EFCAB14: variants seen among roughly 807,000 people sequenced by gnomAD.
The protein encoded by EFCAB14 is EF-hand calcium binding domain 14, also known as EF-hand calcium-binding domain-containing protein 14.
EFCAB14 carries 43 observed loss-of-function variants against 56.5 expected under a neutral mutation model. The observed-to-expected ratio is 0.76, with a 90% CI of 0.60 to 0.98. The LOEUF is 0.98. Ranked by LOEUF, EFCAB14 falls within the 50% of genes least tolerant of loss-of-function variation. The pLI is 0.00. For missense variants in EFCAB14, 538 were observed against 580.3 expected (o/e 0.93, Z 0.75); for synonymous variants, 235 against 212.9 (o/e 1.10, Z -0.90).
rs140345083 is a variant in EFCAB14 at position 46,716,355 on chromosome 1, C to A, written c.274G>T (p.Val92Leu). Residue 92 changes from valine (V) to leucine (L), a missense_variant, in exon 2 of 11, where the codon GTG becomes TTG. Val to Leu is a conservative substitution (Grantham distance 32). Coordinates refer to ENST00000371933, the MANE Select transcript of EFCAB14 (RefSeq NM_014774.3). ...AACVVACVGL[V>L]WMQVALKEDL... Reference sequence around the variant, plus strand: ...TCCTTGAGAGCAACCTGCATCCACACCAAGCCAACACAGGCCACAACACAG... The same window carrying A: ...TCCTTGAGAGCAACCTGCATCCACAACAAGCCAACACAGGCCACAACACAG... 8 of 1,613,608 alleles carry A rather than the reference C, an allele frequency of 5.0e-6. No individual in the cohort carries two copies. The Admixed American group carries it at 1.0e-4, about 20-fold the overall frequency.
At chr1:46,683,540 T>C in intron 9 of EFCAB14, 115 bp from the exon 10 acceptor site, 5 of 1,151,496 alleles carry the variant, frequency 4.3e-6, no homozygotes, top group Non-Finnish European at 6.0e-6. Flanking sequence ...AGAGAAACAT[T>C]TGAAGATAAA....
intron 4 of EFCAB14, among the ~76,000 whole-genome samples, chr1:46,694,209 A>G (rs968896805): frequency 6.6e-6 from 1 of 152,216 alleles, no homozygotes; most frequent in Admixed American, 6.5e-5. Flanking sequence ...AATGGCAACA[A>G]AAGCCAAAAT....
chr1:46,686,981 C>T lies in EFCAB14; in HGVS notation c.988-111G>A. The T allele has an allele frequency of 3.1e-6, 3 of 971,994 alleles. No individual in the cohort carries two copies. In the South Asian group the frequency reaches 4.4e-5, roughly 14 times the overall value. The allele number at this position is 971,994 out of a possible 1,614,324, so 60.2% of individuals were successfully genotyped here. ...TTCGTCAAACTTATTTAAAGGATCT[C>T]AGAACACTCTCAACAGAAATTGCAG... is the stretch of plus-strand genomic sequence containing the variant. On this transcript the variant is annotated intron_variant, in intron 7 of 10. Coordinates refer to ENST00000371933, the MANE Select transcript of EFCAB14 (RefSeq NM_014774.3).
intron 3 of EFCAB14, among the ~76,000 whole-genome samples, chr1:46,703,427 G>A (rs1213939412): frequency 6.6e-6 from 1 of 152,088 alleles, no homozygotes; most frequent in African/African-American, 2.4e-5. Flanking sequence ...TTTTTAAACT[G>A]ATCAATACAA....
chr1:46,699,033 T>C (rs1677116713), intron 3 of EFCAB14, among the ~76,000 whole-genome samples: 1 of 151,968 alleles, frequency 6.6e-6, no homozygotes, highest in Admixed American at 6.6e-5. Flanking sequence ...TGGGACTGGG[T>C]GTTAACAGTG....
In EFCAB14 at chr1:46,718,573, G is replaced by C. The variant is rs1677434563; in HGVS notation, c.-486C>G. 6.5e-6 allele frequency: 1 copy of C among 153,458 alleles called. No homozygotes were observed. Among genetic ancestry groups the C allele is most frequent in the Non-Finnish European group, 1.5e-5 (1 of 68,802 alleles). The allele number at this position is 153,458 out of a possible 1,614,324, so 9.5% of individuals were successfully genotyped here. A position where few individuals can be genotyped will look rare whatever the true frequency, so the allele number is the denominator to read the frequency against. ...AAACTCGTTCTTGAATGGGAAGAGA[G>C]TGGGGAGGTGCAGAGTAAGAAAGTG... On this transcript the variant is annotated 5_prime_UTR_variant, in exon 1 of 11. Coordinates refer to ENST00000371933, the MANE Select transcript of EFCAB14 (RefSeq NM_014774.3).
chr1:46,715,985 C>T (rs954791723), intron 2 of EFCAB14, among the ~76,000 whole-genome samples: 1 of 152,010 alleles, frequency 6.6e-6, no homozygotes, highest in East Asian at 1.9e-4. Flanking sequence ...TGGTGGCTCA[C>T]GCCTGTAATC....
intron 3 of EFCAB14, 70 bp downstream of exon 3, chr1:46,707,836 A>G (rs1021110492): frequency 2.0e-6 from 3 of 1,480,024 alleles, no homozygotes; most frequent in Non-Finnish European, 2.7e-6. Flanking sequence ...ACAATTCTCT[A>G]TATCCTATTC....
intron 2 of EFCAB14, among the ~76,000 whole-genome samples, chr1:46,711,110 G>A (rs534320598): frequency 2.8e-4 from 43 of 152,178 alleles, no homozygotes; most frequent in Non-Finnish European, 2.8e-4. Flanking sequence ...TGGGGGTGTG[G>A]ATGTTTCTTC....
rs1317591146 is a variant in EFCAB14, at chr1:46,676,011, G to A, written c.*2450C>T. The stretch of plus-strand genomic sequence containing the variant: ...CTCTCAGAGATGAGATATGGCTGGT[G>A]AGGCTTGACTACAGCTAAATACAAG... On this transcript the variant is annotated 3_prime_UTR_variant, in exon 11 of 11. Coordinates refer to ENST00000371933, the MANE Select transcript of EFCAB14 (RefSeq NM_014774.3). The A allele has an allele frequency of 1.3e-5, 2 of 152,218 alleles. No individual in the cohort carries two copies. The highest frequency in any genetic ancestry group is 4.8e-5 in the African/African-American group (2 of 41,458). 9.4% of individuals were successfully genotyped at this position (152,218 alleles called of 1,614,324 possible). A position where few individuals can be genotyped will look rare whatever the true frequency, so the allele number is the denominator to read the frequency against.
chr1:46,678,796 A>C (rs1676738656), intron 10 of EFCAB14, among the ~76,000 whole-genome samples, 160 bp from the exon 11 acceptor site: 1 of 150,386 alleles, frequency 6.6e-6, no homozygotes, highest in African/African-American at 2.5e-5. Context: ...AGGAAGACTA[A>C]TTTTTGATCC....
intron 3 of EFCAB14, among the ~76,000 whole-genome samples, chr1:46,706,831 A>G (rs531574243): frequency 1.3e-5 from 2 of 152,388 alleles, no homozygotes; most frequent in South Asian, 4.1e-4. Context: ...GGAAAGTGTC[A>G]TAAGGCACCA....
At chr1:46,687,481 C>T (rs527967943) in intron 7 of EFCAB14, among the ~76,000 whole-genome samples, 2 of 152,222 alleles carry the variant, frequency 1.3e-5, no homozygotes, top group Non-Finnish European at 2.9e-5. Context: ...TGCCAAGGCT[C>T]CACTGTGGCA....
chr1:46,695,475 C>T (rs1032240422), intron 4 of EFCAB14, among the ~76,000 whole-genome samples: 1 of 152,054 alleles, frequency 6.6e-6, no homozygotes, highest in Non-Finnish European at 1.5e-5. Context: ...ATTTTGTCTT[C>T]GCTTATGGCT....
chr1:46,704,317 G>C (rs1677204047), intron 3 of EFCAB14, among the ~76,000 whole-genome samples: 1 of 151,114 alleles, frequency 6.6e-6, no homozygotes, highest in African/African-American at 2.4e-5. Context: ...GAAAGAGAAA[G>C]AAAAAAAATT....
intron 6 of EFCAB14, 36 bp downstream of exon 6, chr1:46,689,551 G>A (rs1676956428): frequency 6.2e-7 from 1 of 1,600,522 alleles, no homozygotes; most frequent in South Asian, 1.1e-5. Flanking sequence ...GCAGTGCACT[G>A]TGGTCACAGG....
At chr1:46,712,845 T>C (rs1569737230) in intron 2 of EFCAB14, among the ~76,000 whole-genome samples, 1 of 150,348 alleles carries the variant, frequency 6.7e-6, no homozygotes, top group South Asian at 2.1e-4. Flanking sequence ...CTGTCTCTAC[T>C]AAAAAAAAAT....
intron 2 of EFCAB14, among the ~76,000 whole-genome samples, chr1:46,711,889 C>A (rs939342450): frequency 6.6e-6 from 1 of 152,172 alleles, no homozygotes; most frequent in Non-Finnish European, 1.5e-5. Flanking sequence ...CATCCCTGCA[C>A]CGGCACTAGT....
At chr1:46,696,772 C>G in intron 3 of EFCAB14, 123 bp from the exon 4 acceptor site, 3 of 839,236 alleles carry the variant, frequency 3.6e-6, no homozygotes, top group East Asian at 5.6e-5. Flanking sequence ...TTCTGCAACC[C>G]TGTCAGCTCA....
Sources: gnomAD v4.1 joint callset for allele counts (sites outside exome capture counted in the v4.1 genomes callset) on GRCh38, gnomAD v4.1.1 for gene constraint, MANE v1.5 for transcripts, NCBI Gene and HGNC (gene_info 2026-07-23, HGNC 2026-07-21) for gene names.